NXNL1: variants seen among roughly 807,000 people sequenced by gnomAD.
NXNL1 encodes the protein nucleoredoxin like 1.
A neutral mutation model predicts 7.2 loss-of-function variants in NXNL1; 6 were observed. The observed-to-expected ratio is 0.83, with a 90% CI of 0.46 to 1.64. The LOEUF is 1.64. Among genes scored for constraint, NXNL1 ranks in the 40% most tolerant of loss-of-function variants. NXNL1 has a pLI of 0.01. For synonymous variants in NXNL1, 133 were observed against 127.2 expected (o/e 1.05, Z -0.31); for missense variants, 308 against 285.1 (o/e 1.08, Z -0.58).
chr19:17,455,536 A>G lies in NXNL1; in HGVS notation c.*111T>C, dbSNP rs1198331557. 74 of 671,024 alleles carry G rather than the reference A, an allele frequency of 1.1e-4. No individual in the cohort carries two copies. In the East Asian group the frequency reaches 2.0e-3, roughly 18 times the overall value. 41.6% of individuals were successfully genotyped at this position (671,024 alleles called of 1,614,324 possible). On this transcript the variant is annotated 3_prime_UTR_variant, in exon 2 of 2. Transcript: ENST00000301944. ...GGTTGATCTCGAACCTCTGGGCTCA[A>G]GCGATCCTCCCGCCTTGGCCTCCCC... is the stretch of plus-strand genomic sequence containing the variant.
Position 17,460,767 on chromosome 19 carries a change from C to T in NXNL1, c.103G>A (p.Val35Met). The T allele has an allele frequency of 1.9e-6, 3 of 1,613,834 alleles. No homozygotes were observed. The highest frequency in any genetic ancestry group is 2.5e-6 in the Non-Finnish European group (3 of 1,180,036). ...EVSRRLENRLVLLFFGAGACP... is the reference protein window; with the variant it reads ...EVSRRLENRLMLLFFGAGACP... Reference sequence around the variant, plus strand: ...GCCCCAGCACCAAAGAACAGCAGCACCAGCCGGTTCTCCAGCCTGCGACTG... The same window carrying T: ...GCCCCAGCACCAAAGAACAGCAGCATCAGCCGGTTCTCCAGCCTGCGACTG... The change falls in exon 1 of 2, where the codon GTG (valine) becomes ATG (methionine). Residue 35 changes from valine to methionine, a missense_variant. Coordinates refer to ENST00000301944, the MANE Select transcript of NXNL1 (RefSeq NM_138454.2).
chr19:17,458,220 C>CTTTTTTTTTTTTTTTTTTT (rs756873224), intron 1 of NXNL1, among the ~76,000 whole-genome samples: 35 of 122,184 alleles, frequency 2.9e-4, no homozygotes, highest in Middle Eastern at 4.2e-3. Flanking sequence ...TTCTTTCTTT[C>CTTTTTTTTTTTTTTTTTTT]TTTTTTTTTT....
chr19:17,459,651 C>T (rs1180261227), intron 1 of NXNL1, among the ~76,000 whole-genome samples: 3 of 152,218 alleles, frequency 2.0e-5, no homozygotes, highest in East Asian at 3.9e-4. Context: ...CTCCTGACCT[C>T]AGGTGATCTG....
chr19:17,455,965 G>A lies in NXNL1; in HGVS notation c.327-6C>T. On this transcript the variant is annotated splice_polypyrimidine_tract_variant and splice_region_variant and intron_variant, in intron 1 of 1. Transcript: ENST00000301944. ...AGAACTGGCGCCCGAGGTCCCTGCG[G>A]AGCGGGCAGGTCAGTCTGGACGGAT... 1.9e-6 allele frequency: 3 copies of A among 1,597,628 alleles called. No homozygotes were observed. In the East Asian group the frequency reaches 6.7e-5, roughly 36 times the overall value.
At chr19:17,460,521 A>G in intron 1 of NXNL1, 23 bp downstream of exon 1, 1 of 1,598,154 alleles carries the variant, frequency 6.3e-7, no homozygotes, top group Non-Finnish European at 8.5e-7. Context: ...CTCCTCCAGG[A>G]AGCCCTCCCT....
In NXNL1 at chr19:17,455,623, ACTCCT is replaced by A. The variant is rs1415805617; in HGVS notation, c.*19_*23del. The A allele has an allele frequency of 3.0e-6, 4 of 1,326,800 alleles. No homozygotes were observed. The highest frequency in any genetic ancestry group is 4.1e-6 in the Non-Finnish European group (4 of 967,090). 82.2% of individuals were successfully genotyped at this position (1,326,800 alleles called of 1,614,324 possible). A position where few individuals can be genotyped will look rare whatever the true frequency, so the allele number is the denominator to read the frequency against. On this transcript the variant is annotated 3_prime_UTR_variant, in exon 2 of 2. Transcript: ENST00000301944. ...GGGTGGAGGTTCATCAACAAACCCC[ACTCCT>A]CTCCTCCACCCTAGCGGGTCAGAAC...
intron 1 of NXNL1, among the ~76,000 whole-genome samples, chr19:17,457,016 C>A (rs2074995750): frequency 6.6e-6 from 1 of 151,466 alleles, no homozygotes; most frequent in African/African-American, 2.4e-5. Flanking sequence ...CGCCACTGCA[C>A]TCCAGCCTGG....
Position 17,455,834 on chromosome 19 carries a change from T to G in NXNL1, c.452A>C (p.Asn151Thr). 6.3e-7 allele frequency: 1 copy of G among 1,585,990 alleles called. No individual in the cohort carries two copies. Among genetic ancestry groups the G allele is most frequent in the Non-Finnish European group, 8.5e-7 (1 of 1,172,262 alleles). ...CAGCACCTCGGCCGCCTCCTGCCAGTTGGCGAAGCAGGCGGTGCCCAGGCG... is the reference window on the plus strand; with the variant it reads ...CAGCACCTCGGCCGCCTCCTGCCAGGTGGCGAAGCAGGCGGTGCCCAGGCG... ...IQRLGTACFA[N>T]WQEAAEVLDR... Residue 151 changes from asparagine (N) to threonine (T), a missense_variant, in exon 2 of 2, where the codon AAC (asparagine) becomes ACC (threonine). Asn to Thr is a moderately conservative substitution (Grantham distance 65, BLOSUM62 0). Coordinates refer to ENST00000301944, the MANE Select transcript of NXNL1 (RefSeq NM_138454.2).
chr19:17,456,979 G>T (rs886069805), intron 1 of NXNL1, among the ~76,000 whole-genome samples: 5 of 152,004 alleles, frequency 3.3e-5, no homozygotes, highest in African/African-American at 1.2e-4. Context: ...GAACCCGGAA[G>T]GCAGAGCTTG....
chr19:17,455,691 C>CCGGGG lies in NXNL1; in HGVS notation c.594_595insCCCCG (p.Gly199ProfsTer67). On this transcript the variant is annotated frameshift_variant, in exon 2 of 2. Transcript: ENST00000301944. LOFTEE classifies it low-confidence loss of function (END_TRUNC). ...CCGCCCTCCTCCCCACCCCCTCCCC[C>CCGGGG]GGGGTCGCGCCCGCCTCGCGCCGCC... 1.3e-6 allele frequency: 2 copies of CCGGGG among 1,513,762 alleles called. No individual in the cohort carries two copies. Among genetic ancestry groups the CCGGGG allele is most frequent in the South Asian group, 1.2e-5 (1 of 83,424 alleles). 93.8% of individuals were successfully genotyped at this position (1,513,762 alleles called of 1,614,324 possible). A position where few individuals can be genotyped will look rare whatever the true frequency, so the allele number is the denominator to read the frequency against.
rs756216499 is a variant in NXNL1, at chr19:17,460,860, G to A, written c.10C>T (p.Leu4=). The change falls in exon 1 of 2, where the codon CTG becomes TTG. Residue 4 remains leucine, a synonymous_variant. Coordinates refer to ENST00000301944, the MANE Select transcript of NXNL1 (RefSeq NM_138454.2). MAS[L]FSGRILIRNN... The stretch of plus-strand genomic sequence containing the variant: ...CGGATCAGGATGCGGCCAGAGAACA[G>A]GGAGGCCATGGTAACCTGGGTTGGG... 43 of 1,613,022 alleles carry A rather than the reference G, an allele frequency of 2.7e-5. 1 individual carries two copies. The highest frequency in any genetic ancestry group is 3.4e-5 in the Non-Finnish European group (40 of 1,180,026).
At chr19:17,456,095 A>C in intron 1 of NXNL1, 136 bp from the exon 2 acceptor site, 1 of 1,451,724 alleles carries the variant, frequency 6.9e-7, no homozygotes, top group East Asian at 2.4e-5. Flanking sequence ...GTAGGTGCAC[A>C]CGAGGACCGG....
Position 17,455,440 on chromosome 19 carries a change from C to G in NXNL1, c.*207G>C, listed in dbSNP as rs1188972835. ...CACCTCAGCCTTCAGGGTAGCTAAG[C>G]CACAGGTGCGCGCCACCACACCGGG... On this transcript the variant is annotated 3_prime_UTR_variant, in exon 2 of 2. Coordinates refer to ENST00000301944, the MANE Select transcript of NXNL1 (RefSeq NM_138454.2). 12 of 577,916 alleles carry G rather than the reference C, an allele frequency of 2.1e-5. No homozygotes were observed. The East Asian group carries it at 3.5e-4, about 17-fold the overall frequency. The allele number at this position is 577,916 out of a possible 1,614,324, so 35.8% of individuals were successfully genotyped here.
chr19:17,458,984 C>A (rs1028307867), intron 1 of NXNL1, among the ~76,000 whole-genome samples: 2 of 152,114 alleles, frequency 1.3e-5, no homozygotes, highest in African/African-American at 4.8e-5. Context: ...TGGTCTTCAA[C>A]TCCCAGCCTC....
chr19:17,460,803 C>T lies in NXNL1; in HGVS notation c.67G>A (p.Glu23Lys), dbSNP rs144177332. ...TCCAGCCTGCGACTGACCTCAGCCT[C>T]CGTATCCAGCTCGTCCTGGTCGCTA... is the stretch of plus-strand genomic sequence containing the variant. The part of the protein sequence containing the change: ...NNSDQDELDT[E>K]AEVSRRLENR... Residue 23 changes from glutamate to lysine, a missense_variant, in exon 1 of 2, where the codon GAG becomes AAG. Glu to Lys is a moderately conservative substitution (Grantham distance 56). Transcript: ENST00000301944. 54 of 1,613,894 alleles carry T rather than the reference C, an allele frequency of 3.3e-5. No homozygotes were observed. The African/African-American group carries it at 6.0e-4, about 18-fold the overall frequency.
Position 17,455,674 on chromosome 19 carries a change from C to T in NXNL1, c.612G>A (p.Glu204=), listed in dbSNP as rs1178082094. ...AGAACAGCCCCCCGGCCCCGCCCTC[C>T]TCCCCACCCCCTCCCCCGGGGTCGC... The part of the protein sequence containing the change: ...GGRDPGGGGG[E]EGGAGGLF Residue 204 remains glutamate, a synonymous_variant, in exon 2 of 2, where the codon GAG becomes GAA. Coordinates refer to ENST00000301944, the MANE Select transcript of NXNL1 (RefSeq NM_138454.2). 2 of 1,151,436 alleles carry T rather than the reference C, an allele frequency of 1.7e-6. No individual in the cohort carries two copies. The highest frequency in any genetic ancestry group is 1.6e-5 in the African/African-American group (1 of 63,728). 71.3% of individuals were successfully genotyped at this position (1,151,436 alleles called of 1,614,324 possible).
chr19:17,459,963 T>G (rs55854503), intron 1 of NXNL1, among the ~76,000 whole-genome samples: 27,870 of 152,030 alleles, frequency 0.18, 2,608 homozygotes, highest in Non-Finnish European at 0.21. Context: ...ATTTCCACTT[T>G]GTGGCCTAGC....
Position 17,460,873 on chromosome 19 carries a change from A to G in NXNL1, c.-4T>C. 6.2e-7 allele frequency: 1 copy of G among 1,612,644 alleles called. No individual in the cohort carries two copies. Among genetic ancestry groups the G allele is most frequent in the Non-Finnish European group, 8.5e-7 (1 of 1,180,010 alleles). On this transcript the variant is annotated 5_prime_UTR_variant, in exon 1 of 2. Coordinates refer to ENST00000301944, the MANE Select transcript of NXNL1 (RefSeq NM_138454.2). ...GGCCAGAGAACAGGGAGGCCATGGT[A>G]ACCTGGGTTGGGTGCTGGGGACAGC... is the stretch of plus-strand genomic sequence containing the variant.
chr19:17,458,563 T>G (rs115198104), intron 1 of NXNL1, among the ~76,000 whole-genome samples: 1,976 of 150,450 alleles, frequency 0.013, 50 homozygotes, highest in African/African-American at 0.046. Flanking sequence ...ATTGGGCAGC[T>G]CCTTTTGTAA....
Sources: allele counts gnomAD v4.1 joint callset (sites outside exome capture counted in the v4.1 genomes callset), GRCh38; gene constraint gnomAD v4.1.1; transcripts MANE v1.5; gene names NCBI Gene and HGNC (gene_info 2026-07-23, HGNC 2026-07-21).